Variants in NELL1 observed in about 807,000 individuals in gnomAD.
NELL1 encodes neural EGFL like 1, also known as protein kinase C-binding protein NELL1.
Under a neutral mutation model 107.4 loss-of-function variants are expected in NELL1, and 76 were observed. The ratio of observed to expected loss-of-function variants is 0.71; its 90% confidence interval spans 0.59 to 0.86. NELL1 has a LOEUF of 0.86. Ranked by LOEUF, NELL1 falls within the 40% of genes least tolerant of loss-of-function variation. The probability of loss-of-function intolerance (pLI) is 0.00; values close to 1 mark genes in which losing one functional copy is unlikely to be tolerated. For synonymous variants in NELL1, 353 were observed against 341.2 expected (o/e 1.03, Z -0.38); for missense variants, 1,024 against 1,005.5 (o/e 1.02, Z -0.25).
At chr11:20,701,841 G>T (rs896410920) in intron 2 of NELL1, among the ~76,000 whole-genome samples, 41 of 152,200 alleles carry the variant, frequency 2.7e-4, no homozygotes, top group African/African-American at 8.4e-4. Context: ...TTATTTCTGA[G>T]GGCTCTGTTC....
At chr11:20,694,423 A>C (rs1487643794) in intron 2 of NELL1, among the ~76,000 whole-genome samples, 1 of 152,114 alleles carries the variant, frequency 6.6e-6, no homozygotes, top group Non-Finnish European at 1.5e-5. Context: ...TCTTTAATCC[A>C]TCTTGAGTTA....
intron 14 of NELL1, among the ~76,000 whole-genome samples, chr11:21,241,552 T>C (rs990836133): frequency 3.3e-5 from 5 of 152,122 alleles, no homozygotes; most frequent in Admixed American, 1.3e-4. Flanking sequence ...CTCAGGTCTT[T>C]TTTAAGGCAA....
chr11:21,187,435 G>A (rs1167965388), intron 13 of NELL1, among the ~76,000 whole-genome samples: 1 of 151,824 alleles, frequency 6.6e-6, no homozygotes, highest in Non-Finnish European at 1.5e-5. Context: ...CTGAACTCAG[G>A]AGGCATAAAA....
At chr11:21,031,311 A>G (rs1320936290) in intron 12 of NELL1, among the ~76,000 whole-genome samples, 1 of 152,204 alleles carries the variant, frequency 6.6e-6, no homozygotes, top group Non-Finnish European at 1.5e-5. Context: ...GTTCCCTTTG[A>G]GTAATTCTTA....
At chr11:21,362,368 G>A (rs1851096556) in intron 14 of NELL1, among the ~76,000 whole-genome samples, 1 of 152,202 alleles carries the variant, frequency 6.6e-6, no homozygotes, top group Non-Finnish European at 1.5e-5. Flanking sequence ...TCCAGCCATG[G>A]ATACCAGCAC....
chr11:20,817,327 T>G (rs1034454182), intron 3 of NELL1, among the ~76,000 whole-genome samples: 1 of 152,188 alleles, frequency 6.6e-6, no homozygotes, highest in African/African-American at 2.4e-5. Flanking sequence ...TTGATGTTGG[T>G]CTGTTCAGGA....
intron 13 of NELL1, among the ~76,000 whole-genome samples, chr11:21,130,155 C>T (rs920529547): frequency 3.3e-5 from 5 of 152,036 alleles, no homozygotes; most frequent in African/African-American, 1.2e-4. Context: ...GTCATCTGCT[C>T]GATGACTTAG....
At chr11:20,777,447 T>C in intron 2 of NELL1, among the ~76,000 whole-genome samples, 1 of 152,230 alleles carries the variant, frequency 6.6e-6, no homozygotes, top group East Asian at 1.9e-4. Context: ...GGGAGTCTTC[T>C]AGTGACTTCT....
At chr11:21,564,688 A>G (rs190026293) in intron 17 of NELL1, among the ~76,000 whole-genome samples, 3 of 151,988 alleles carry the variant, frequency 2.0e-5, no homozygotes, top group South Asian at 2.1e-4. Context: ...TTAGTTCTTG[A>G]GTTTTTCTGG....
At chr11:21,048,564 C>T (rs564260068) in intron 12 of NELL1, among the ~76,000 whole-genome samples, 3 of 152,210 alleles carry the variant, frequency 2.0e-5, no homozygotes, top group African/African-American at 7.2e-5. Context: ...TTTTAACCTG[C>T]TGGGTTCCTT....
At chr11:20,846,845 G>C (rs1214508509) in intron 3 of NELL1, among the ~76,000 whole-genome samples, 1 of 152,202 alleles carries the variant, frequency 6.6e-6, no homozygotes, top group Non-Finnish European at 1.5e-5. Flanking sequence ...ACCTGTGAAA[G>C]TACTAGCCCT....
chr11:20,730,586 C>A (rs1338064087), intron 2 of NELL1, among the ~76,000 whole-genome samples: 1 of 152,144 alleles, frequency 6.6e-6, no homozygotes, highest in African/African-American at 2.4e-5. Flanking sequence ...GCACTCCTAC[C>A]ATAGTAGAGG....
intron 16 of NELL1, among the ~76,000 whole-genome samples, chr11:21,556,072 T>C (rs1478759522): frequency 2.0e-5 from 3 of 151,970 alleles, no homozygotes; most frequent in Non-Finnish European, 4.4e-5. Flanking sequence ...GTGTGTATAT[T>C]TTCCCCCATA....
At position 21,147,446 on chromosome 11, in the gene NELL1, C is replaced by T. The variant is rs527539521; in HGVS notation, c.1426+33732C>T. Among the ~76,000 whole-genome samples, 4 of 152,236 alleles carry T rather than the reference C, an allele frequency of 2.6e-5. No homozygotes were observed. In the South Asian group the frequency reaches 8.3e-4, roughly 32 times the overall value. On this transcript the variant is annotated intron_variant, in intron 13 of 19. Coordinates refer to ENST00000357134, the MANE Select transcript of NELL1 (RefSeq NM_006157.5). ...TAGGAGAAATACACAGCTATCTTAG[C>T]TCTGCTTCGAAGACACAAGCTGGGG...
intron 13 of NELL1, chr11:21,170,135 C>A: frequency 1.5e-6 from 1 of 685,694 alleles, no homozygotes; most frequent in Non-Finnish European, 2.6e-6. Context: ...CACTTTGTTC[C>A]ATGACTCCTT....
chr11:21,484,659 A>G (rs1854582155), intron 15 of NELL1, among the ~76,000 whole-genome samples: 1 of 152,100 alleles, frequency 6.6e-6, no homozygotes, highest in South Asian at 2.1e-4. Context: ...ACATATGTAC[A>G]TTACATATGT....
intron 10 of NELL1, 85 bp downstream of exon 10, chr11:20,937,944 CAT>C (rs927400010): frequency 1.5e-6 from 2 of 1,299,836 alleles, no homozygotes; most frequent in African/African-American, 2.9e-5. Context: ...TTGAGTGGGG[CAT>C]ATTGGCCTGG....
intron 3 of NELL1, among the ~76,000 whole-genome samples, chr11:20,821,502 TGCTG>T (rs1226048132): frequency 6.6e-6 from 1 of 152,200 alleles, no homozygotes; most frequent in Non-Finnish European, 1.5e-5. Context: ...GGATTTCACA[TGCTG>T]GCAGAGGGAT....
intron 14 of NELL1, among the ~76,000 whole-genome samples, chr11:21,276,005 G>C (rs1306446261): frequency 6.6e-5 from 10 of 152,044 alleles, no homozygotes; most frequent in Non-Finnish European, 8.8e-5. Context: ...CAGGGATGCC[G>C]TCTCTCACCA....
Sources: gnomAD v4.1 joint callset for allele counts (sites outside exome capture counted in the v4.1 genomes callset) on GRCh38, gnomAD v4.1.1 for gene constraint, MANE v1.5 for transcripts, NCBI Gene and HGNC (gene_info 2026-07-23, HGNC 2026-07-21) for gene names.